The following JAZF1 variants were observed in gnomAD, a reference collection of about 807,000 sequenced individuals.
The protein encoded by JAZF1 is juxtaposed with another zinc finger protein 1.
A neutral mutation model predicts 26.4 loss-of-function variants in JAZF1; 8 were observed. The observed-to-expected ratio is 0.30, with a 90% CI of 0.18 to 0.55. JAZF1 has a LOEUF of 0.55. JAZF1 is among the 20% of genes least tolerant of loss of function. The pLI is 0.94. For missense variants in JAZF1, 199 were observed against 322.0 expected (o/e 0.62, Z 2.92); for synonymous variants, 126 against 122.3 (o/e 1.03, Z -0.20).
chr7:28,052,696 A>T (rs142965159), intron 1 of JAZF1, among the ~76,000 whole-genome samples: 72 of 152,344 alleles, frequency 4.7e-4, no homozygotes, highest in Non-Finnish European at 9.4e-4. Context: ...ATGCTGATCA[A>T]CTAGGATGTA....
chr7:28,106,366 G>A (rs975866483), intron 1 of JAZF1, among the ~76,000 whole-genome samples: 24 of 152,118 alleles, frequency 1.6e-4, no homozygotes, highest in African/African-American at 5.6e-4. Flanking sequence ...AACCTCTGAC[G>A]CAGACATGCA....
At chr7:27,907,065 C>T (rs1344991598) in intron 2 of JAZF1, among the ~76,000 whole-genome samples, 1 of 61,484 alleles carries the variant, frequency 1.6e-5, no homozygotes, top group Non-Finnish European at 3.5e-5. Flanking sequence ...TGCACTAAGG[C>T]TCTTAGAGTT....
At chr7:27,919,150 A>C (rs1784488990) in intron 2 of JAZF1, among the ~76,000 whole-genome samples, 1 of 152,238 alleles carries the variant, frequency 6.6e-6, no homozygotes, top group Non-Finnish European at 1.5e-5. Context: ...CTGTGGGTAG[A>C]CTATCTTGTT....
chr7:28,021,998 A>G (rs1783014795), intron 1 of JAZF1, among the ~76,000 whole-genome samples: 1 of 152,238 alleles, frequency 6.6e-6, no homozygotes, highest in Non-Finnish European at 1.5e-5. Context: ...ATTAAATGAG[A>G]AAATGCAAGT....
intron 1 of JAZF1, among the ~76,000 whole-genome samples, chr7:28,053,261 A>G (rs1009999465): frequency 6.6e-6 from 1 of 152,218 alleles, no homozygotes; most frequent in Non-Finnish European, 1.5e-5. Flanking sequence ...TGGCTATTGT[A>G]AATAATAGCG....
At chr7:27,976,706 A>G (rs1048123992) in intron 2 of JAZF1, among the ~76,000 whole-genome samples, 2 of 152,122 alleles carry the variant, frequency 1.3e-5, no homozygotes. Context: ...CATGAAAAAA[A>G]AAAAGTCATC....
chr7:28,067,103 A>C (rs181553339), intron 1 of JAZF1, among the ~76,000 whole-genome samples: 1 of 152,308 alleles, frequency 6.6e-6, no homozygotes, highest in African/African-American at 2.4e-5. Flanking sequence ...CCTGGACAAA[A>C]ACTCTAGGAG....
intron 3 of JAZF1, among the ~76,000 whole-genome samples, chr7:27,853,489 A>G (rs904513417): frequency 1.3e-5 from 2 of 152,068 alleles, no homozygotes; most frequent in African/African-American, 4.8e-5. Context: ...TCCTGTCCAG[A>G]GTTGGTTCTT....
At chr7:27,899,272 G>A (rs1264729673) in intron 2 of JAZF1, among the ~76,000 whole-genome samples, 1 of 152,208 alleles carries the variant, frequency 6.6e-6, no homozygotes, top group East Asian at 1.9e-4. Context: ...GCCAACAAAT[G>A]AGGACTATGT....
chr7:27,900,620 A>G (rs1394602063), intron 2 of JAZF1, among the ~76,000 whole-genome samples: 5 of 151,924 alleles, frequency 3.3e-5, no homozygotes, highest in Non-Finnish European at 5.9e-5. Flanking sequence ...TAATGTGGGG[A>G]AAAAAAAGCA....
At chr7:27,999,641 C>A (rs936073029) in intron 1 of JAZF1, among the ~76,000 whole-genome samples, 3 of 152,168 alleles carry the variant, frequency 2.0e-5, no homozygotes, top group Admixed American at 2.0e-4. Flanking sequence ...TATGTCTTAT[C>A]AGCCCATTAA....
rs376580700 is a variant in JAZF1, at chr7:27,832,830, C to T, written c.702G>A (p.Ser234=). 70 of 1,604,072 alleles carry T rather than the reference C, an allele frequency of 4.4e-5. No individual in the cohort carries two copies. Among genetic ancestry groups the T allele is most frequent in the African/African-American group, 2.4e-4 (18 of 74,764 alleles). Residue 234 remains serine (S), a synonymous_variant, in exon 5 of 5, where the codon TCG becomes TCA. Transcript: ENST00000283928. The part of the protein sequence containing the change: ...HHTINFHPPV[S]AEIIRKMQQ The stretch of plus-strand genomic sequence containing the variant: ...GCTGCATCTTCCTGATAATCTCAGC[C>T]GACACCGGGGGATGGAAATTGATTG...
At chr7:28,157,902 G>A (rs896086352) in intron 1 of JAZF1, among the ~76,000 whole-genome samples, 5 of 151,416 alleles carry the variant, frequency 3.3e-5, no homozygotes, top group East Asian at 1.9e-4. Context: ...TTTAATCCCC[G>A]ATGTAAGCTT....
intron 1 of JAZF1, among the ~76,000 whole-genome samples, chr7:28,018,478 T>A (rs1291518029): frequency 6.6e-6 from 1 of 152,188 alleles, no homozygotes; most frequent in Non-Finnish European, 1.5e-5. Context: ...TGACTACATG[T>A]CACACTTTGC....
At chr7:28,139,649 G>A (rs1199020616) in intron 1 of JAZF1, among the ~76,000 whole-genome samples, 1 of 152,180 alleles carries the variant, frequency 6.6e-6, no homozygotes, top group Admixed American at 6.5e-5. Context: ...CCCCAGAAGT[G>A]GGAGACAATA....
intron 2 of JAZF1, among the ~76,000 whole-genome samples, chr7:27,908,533 C>T (rs752322366): frequency 1.7e-4 from 26 of 152,072 alleles, no homozygotes; most frequent in Admixed American, 5.9e-4. Flanking sequence ...AATTCATGGA[C>T]GGTCACTGAT....
chr7:28,161,553 T>C (rs946788793), intron 1 of JAZF1, among the ~76,000 whole-genome samples: 1 of 152,184 alleles, frequency 6.6e-6, no homozygotes, highest in Admixed American at 6.5e-5. Context: ...TTTGCTGCTG[T>C]CACAGGAATG....
intron 1 of JAZF1, among the ~76,000 whole-genome samples, chr7:28,050,707 C>A (rs941754261): frequency 1.3e-4 from 20 of 151,986 alleles, no homozygotes; most frequent in African/African-American, 4.6e-4. Flanking sequence ...AATATGCATT[C>A]TCTTATTGTT....
At chr7:27,965,947 T>A (rs768948457) in intron 2 of JAZF1, among the ~76,000 whole-genome samples, 2 of 152,210 alleles carry the variant, frequency 1.3e-5, no homozygotes, top group Non-Finnish European at 2.9e-5. Context: ...CCAAGATGAC[T>A]GTCAAGTGAC....
Sources: allele counts gnomAD v4.1 joint callset (sites outside exome capture counted in the v4.1 genomes callset), GRCh38; gene constraint gnomAD v4.1.1; transcripts MANE v1.5; gene names NCBI Gene and HGNC (gene_info 2026-07-23, HGNC 2026-07-21).